Variants in EYS observed in about 807,000 individuals in gnomAD.
EYS encodes EGF-like photoreceptor maintenance factor, also known as protein eyes shut homolog.
Under a neutral mutation model 282.1 loss-of-function variants are expected in EYS, and 250 were observed. The ratio of observed to expected loss-of-function variants is 0.89; its 90% CI spans 0.80 to 0.98. The LOEUF (loss-of-function observed/expected upper bound fraction) is 0.98. Ranked by LOEUF, EYS falls within the 50% of genes least tolerant of loss-of-function variation. EYS has a pLI of 0.00. For missense variants in EYS, 4,016 were observed against 3,709.0 expected (o/e 1.08, Z -2.15); for synonymous variants, 1,355 against 1,282.9 (o/e 1.06, Z -1.20).
chr6:65,477,018 T>C (rs1765436976), intron 5 of EYS, among the ~76,000 whole-genome samples: 1 of 152,224 alleles, frequency 6.6e-6, no homozygotes, highest in Non-Finnish European at 1.5e-5. Flanking sequence ...ATGGTATCTA[T>C]TGAAAGGATG....
chr6:65,146,025 T>G lies in EYS; in HGVS notation c.2024-88298A>C, dbSNP rs1030293376. On this transcript the variant is annotated intron_variant, in intron 12 of 42. Coordinates refer to ENST00000503581, the MANE Select transcript of EYS (RefSeq NM_001142800.2). ...TTATACTTTAAATTCAACTTTTCTA[T>G]GAATTCAGAATTTATTTCAGGTATC... Among the ~76,000 whole-genome samples the G allele has an allele frequency of 2.0e-5, 3 of 151,856 alleles. 1 individual carries two copies. The highest frequency in any genetic ancestry group is 2.0e-4 in the Admixed American group (3 of 15,224).
chr6:64,718,591 G>A (rs762172887), intron 22 of EYS, among the ~76,000 whole-genome samples: 13 of 151,946 alleles, frequency 8.6e-5, no homozygotes, highest in Non-Finnish European at 1.8e-4. Flanking sequence ...TAACATTCAC[G>A]CTTTTCATTG....
intron 39 of EYS, among the ~76,000 whole-genome samples, chr6:63,779,921 C>G (rs866588573): frequency 4.1e-4 from 62 of 152,224 alleles, no homozygotes; most frequent in African/African-American, 1.3e-3. Context: ...TGACAGGCCC[C>G]AGTGTGTGAT....
chr6:64,838,352 A>G (rs1190569808), intron 19 of EYS, among the ~76,000 whole-genome samples: 2 of 151,868 alleles, frequency 1.3e-5, no homozygotes, highest in Admixed American at 6.6e-5. Flanking sequence ...ACATTTTTAC[A>G]TTAATTCTTT....
chr6:65,084,169 A>G (rs189462469), intron 12 of EYS, among the ~76,000 whole-genome samples: 170 of 152,176 alleles, frequency 1.1e-3, no homozygotes, highest in African/African-American at 3.8e-3. Context: ...GAATCACTCA[A>G]AAGGTTCTCT....
chr6:63,737,322 C>T (rs1157724677), intron 41 of EYS, among the ~76,000 whole-genome samples: 1 of 152,032 alleles, frequency 6.6e-6, no homozygotes, highest in African/African-American at 2.4e-5. Context: ...TGTCAAAGGC[C>T]TTTTCTGCAT....
chr6:65,691,872 G>T (rs1306454751), intron 1 of EYS, among the ~76,000 whole-genome samples: 2 of 150,268 alleles, frequency 1.3e-5, no homozygotes, highest in African/African-American at 2.4e-5. Flanking sequence ...TGTCAGGTTT[G>T]CCTAAGATCA....
chr6:65,408,118 C>A (rs918030372), intron 5 of EYS, among the ~76,000 whole-genome samples: 3 of 151,838 alleles, frequency 2.0e-5, no homozygotes, highest in African/African-American at 4.8e-5. Flanking sequence ...TCAAACTTAT[C>A]TTGAATCCTG....
intron 40 of EYS, among the ~76,000 whole-genome samples, chr6:63,763,514 G>C (rs1451628131): frequency 6.6e-6 from 1 of 151,926 alleles, no homozygotes; most frequent in East Asian, 1.9e-4. Context: ...GGAGGGACCA[G>C]GTGGAGAAAA....
intron 26 of EYS, among the ~76,000 whole-genome samples, chr6:64,582,146 A>G (rs12660680): frequency 0.1 from 15,350 of 152,176 alleles, 923 homozygotes; most frequent in East Asian, 0.17. Flanking sequence ...GTCATTGTAC[A>G]AAATTAGTCA....
chr6:63,778,157 G>A lies in EYS; in HGVS notation c.7747C>T (p.Arg2583Cys), dbSNP rs954031480. 11 of 1,551,700 alleles carry A rather than the reference G, an allele frequency of 7.1e-6. No individual in the cohort carries two copies. The highest frequency in any genetic ancestry group is 2.7e-5 in the African/African-American group (2 of 73,046). The change falls in exon 40 of 43, where the codon CGC (arginine) becomes TGC (cysteine). Residue 2583 changes from arginine (R) to cysteine (C), a missense_variant. Arg to Cys is a radical substitution (Grantham distance 180, BLOSUM62 -3). Transcript: ENST00000503581. ...FQGCIFTLQVRTEKDGHFRGL... is the reference protein window; with the variant it reads ...FQGCIFTLQVCTEKDGHFRGL... The stretch of plus-strand genomic sequence containing the variant: ...CTGAAATGGCCATCCTTCTCAGTGC[G>A]AACTTGAAGAGTGAAAATACAGCCT...
intron 11 of EYS, among the ~76,000 whole-genome samples, chr6:65,319,914 C>T (rs1236324919): frequency 6.6e-6 from 1 of 150,876 alleles, no homozygotes; most frequent in African/African-American, 2.5e-5. Context: ...TCCTTCTCCC[C>T]CAGCCATCCA....
chr6:64,535,284 T>C (rs1293729164), intron 26 of EYS, among the ~76,000 whole-genome samples: 1 of 152,194 alleles, frequency 6.6e-6, no homozygotes, highest in Non-Finnish European at 1.5e-5. Flanking sequence ...CTGTTTCTCT[T>C]ACCTTCTGAT....
intron 31 of EYS, among the ~76,000 whole-genome samples, chr6:64,181,553 G>C (rs1013572122): frequency 2.0e-5 from 3 of 151,940 alleles, no homozygotes; most frequent in Non-Finnish European, 4.4e-5. Flanking sequence ...ATTTCTGGTG[G>C]AGTAATGCAA....
chr6:65,562,274 A>T (rs1769092605), intron 2 of EYS, among the ~76,000 whole-genome samples: 2 of 152,054 alleles, frequency 1.3e-5, no homozygotes, highest in Admixed American at 1.3e-4. Flanking sequence ...AAAACATCAA[A>T]TTCGAATGAG....
rs754661689 is a variant in EYS at position 64,689,889 on chromosome 6, A to G, written c.3444-63644T>C. ...CATAAAAACGCTGGAAGAAAACCTAAGCAATACCATTCAGGACACAGGCAT... is the reference window on the plus strand; with the variant it reads ...CATAAAAACGCTGGAAGAAAACCTAGGCAATACCATTCAGGACACAGGCAT... On this transcript the variant is annotated intron_variant, in intron 22 of 42. Coordinates refer to ENST00000503581, the MANE Select transcript of EYS (RefSeq NM_001142800.2). Among the ~76,000 whole-genome samples, 68 of 152,246 alleles carry G rather than the reference A, an allele frequency of 4.5e-4. 1 individual carries two copies. The highest frequency in any genetic ancestry group is 8.1e-4 in the Non-Finnish European group (55 of 68,020).
intron 22 of EYS, among the ~76,000 whole-genome samples, chr6:64,771,563 A>G (rs934536859): frequency 4.0e-5 from 6 of 151,742 alleles, no homozygotes; most frequent in Non-Finnish European, 5.9e-5. Context: ...ACTACTTTGC[A>G]TAAGTTTTTA....
chr6:65,683,723 G>A (rs773791934), intron 1 of EYS, among the ~76,000 whole-genome samples: 1 of 151,986 alleles, frequency 6.6e-6, no homozygotes, highest in Non-Finnish European at 1.5e-5. Flanking sequence ...AGGGACATGA[G>A]TTGGAACTGA....
intron 12 of EYS, among the ~76,000 whole-genome samples, chr6:65,060,469 A>T (rs1273013696): frequency 6.6e-6 from 1 of 151,948 alleles, no homozygotes; most frequent in Non-Finnish European, 1.5e-5. Flanking sequence ...TGATGTAAAA[A>T]ACTCACAGCA....
Sources: gnomAD v4.1 joint callset for allele counts (sites outside exome capture counted in the v4.1 genomes callset) on GRCh38, gnomAD v4.1.1 for gene constraint, MANE v1.5 for transcripts, NCBI Gene and HGNC (gene_info 2026-07-23, HGNC 2026-07-21) for gene names.